The following CNTN4 variants were observed in gnomAD, a reference collection of about 807,000 sequenced individuals.
The protein encoded by CNTN4 is contactin-4.
In CNTN4, 77 loss-of-function variants were observed where a neutral mutation model predicts 122.5. The ratio of observed to expected loss-of-function variants is 0.63; its 90% CI spans 0.52 to 0.76. The LOEUF (loss-of-function observed/expected upper bound fraction) is 0.76, where lower values mean the gene tolerates loss of function less well. Among genes scored for constraint, CNTN4 ranks in the 30% least tolerant of loss-of-function variants. CNTN4 has a pLI of 0.00. For synonymous variants in CNTN4, 512 were observed against 447.0 expected (o/e 1.15, Z -1.83); for missense variants, 1,256 against 1,259.1 (o/e 1.00, Z 0.04).
intron 3 of CNTN4, among the ~76,000 whole-genome samples, chr3:2,487,283 G>A (rs2076189957): frequency 6.6e-6 from 1 of 152,078 alleles, no homozygotes. Context: ...TATCTTTACT[G>A]CAATATATTT....
chr3:2,373,975 T>G (rs2045727018), intron 3 of CNTN4, among the ~76,000 whole-genome samples: 3 of 152,198 alleles, frequency 2.0e-5, no homozygotes, highest in Admixed American at 1.3e-4. Context: ...TCCTGATCTC[T>G]GACTTAAATG....
chr3:2,686,994 G>T (rs1036674716), intron 4 of CNTN4, among the ~76,000 whole-genome samples: 4 of 152,132 alleles, frequency 2.6e-5, no homozygotes, highest in African/African-American at 9.7e-5. Context: ...TAAAGATTTA[G>T]GTTTGAGATT....
intron 2 of CNTN4, among the ~76,000 whole-genome samples, chr3:2,150,029 T>G (rs1481539190): frequency 6.6e-6 from 1 of 151,534 alleles, no homozygotes; most frequent in Non-Finnish European, 1.5e-5. Context: ...AGAGTTTAAA[T>G]GTAATGATTA....
intron 12 of CNTN4, among the ~76,000 whole-genome samples, chr3:2,903,652 A>G (rs889115275): frequency 3.9e-4 from 59 of 152,314 alleles, no homozygotes; most frequent in Non-Finnish European, 6.5e-4. Context: ...GTGCTTCCTC[A>G]GAAAGTCATG....
At chr3:2,989,720 T>A (rs1694892445) in intron 14 of CNTN4, among the ~76,000 whole-genome samples, 1 of 152,222 alleles carries the variant, frequency 6.6e-6, no homozygotes. Flanking sequence ...TATGACTGAC[T>A]GCTTGTTCAC....
At chr3:2,394,934 C>T (rs191393480) in intron 3 of CNTN4, among the ~76,000 whole-genome samples, 1 of 151,914 alleles carries the variant, frequency 6.6e-6, no homozygotes, top group African/African-American at 2.4e-5. Context: ...TTACAGACCC[C>T]CACCACCACA....
chr3:2,853,071 G>C (rs189589699), intron 7 of CNTN4, among the ~76,000 whole-genome samples: 93 of 152,088 alleles, frequency 6.1e-4, no homozygotes, highest in African/African-American at 2.2e-3. Context: ...TGGTAAGAAG[G>C]GGCCATTAGT....
intron 2 of CNTN4, among the ~76,000 whole-genome samples, chr3:2,170,202 C>T (rs927101376): frequency 2.0e-4 from 30 of 151,484 alleles, no homozygotes; most frequent in Admixed American, 1.6e-3. Flanking sequence ...CGCCTGTAGT[C>T]CCAGCTACTC....
chr3:2,105,694 G>T (rs182260090), intron 2 of CNTN4, among the ~76,000 whole-genome samples: 1 of 152,122 alleles, frequency 6.6e-6, no homozygotes, highest in Non-Finnish European at 1.5e-5. Context: ...TGAGATTTGC[G>T]TGGAGACACA....
chr3:2,940,188 G>T (rs189403895), intron 13 of CNTN4, among the ~76,000 whole-genome samples: 60 of 152,334 alleles, frequency 3.9e-4, no homozygotes, highest in African/African-American at 1.3e-3. Flanking sequence ...TTTATGCAGA[G>T]TGTGCATGAA....
chr3:2,663,454 A>G (rs1382548763), intron 4 of CNTN4, among the ~76,000 whole-genome samples: 1 of 152,056 alleles, frequency 6.6e-6, no homozygotes, highest in Non-Finnish European at 1.5e-5. Context: ...CTGATTTATT[A>G]AAAACAAGAG....
intron 2 of CNTN4, among the ~76,000 whole-genome samples, chr3:2,172,169 A>C (rs1461555267): frequency 1.3e-5 from 2 of 152,204 alleles, no homozygotes; most frequent in Admixed American, 6.5e-5. Flanking sequence ...TGCAAACCAA[A>C]GAGTGGATAA....
intron 4 of CNTN4, among the ~76,000 whole-genome samples, chr3:2,612,999 G>A (rs936296778): frequency 1.3e-5 from 2 of 152,122 alleles, no homozygotes; most frequent in African/African-American, 2.4e-5. Flanking sequence ...TGAGCATTAC[G>A]TTTAAGAACA....
chr3:2,427,435 G>A (rs1466210260), intron 3 of CNTN4, among the ~76,000 whole-genome samples: 2 of 152,198 alleles, frequency 1.3e-5, no homozygotes, highest in African/African-American at 2.4e-5. Flanking sequence ...TGGTCTGAGA[G>A]ACAGTTTGTT....
chr3:2,179,867 T>C (rs2036934712), intron 2 of CNTN4, among the ~76,000 whole-genome samples: 1 of 152,002 alleles, frequency 6.6e-6, no homozygotes, highest in Non-Finnish European at 1.5e-5. Context: ...GTAAAATTAA[T>C]ATTAGTAATA....
At chr3:2,274,397 AC>A (rs1436595915) in intron 2 of CNTN4, among the ~76,000 whole-genome samples, 7 of 152,068 alleles carry the variant, frequency 4.6e-5, no homozygotes, top group Non-Finnish European at 8.8e-5. Flanking sequence ...AAACAAACAA[AC>A]AAACAAACAA....
intron 2 of CNTN4, among the ~76,000 whole-genome samples, chr3:2,272,493 TTTGG>T (rs1408917465): frequency 1.3e-5 from 2 of 152,182 alleles, no homozygotes; most frequent in Non-Finnish European, 2.9e-5. Context: ...AGATGTGTAG[TTTGG>T]TTGTCTTACA....
intron 23 of CNTN4, among the ~76,000 whole-genome samples, chr3:3,051,514 T>C (rs1701271534): frequency 6.6e-6 from 1 of 152,214 alleles, no homozygotes; most frequent in South Asian, 2.1e-4. Context: ...AGCAGCAATT[T>C]ATTCCTCAAA....
chr3:2,696,433 G>T (rs1362635521), intron 4 of CNTN4, among the ~76,000 whole-genome samples: 1 of 152,198 alleles, frequency 6.6e-6, no homozygotes, highest in Non-Finnish European at 1.5e-5. Context: ...AGGCTTCAAA[G>T]AAAGTTTGCT....
Sources: allele counts gnomAD v4.1 joint callset (sites outside exome capture counted in the v4.1 genomes callset), GRCh38; gene constraint gnomAD v4.1.1; transcripts MANE v1.5; gene names NCBI Gene and HGNC (gene_info 2026-07-23, HGNC 2026-07-21).